LUZP1: variants seen among roughly 807,000 people sequenced by gnomAD.
LUZP1 encodes the protein leucine zipper protein 1.
Under a neutral mutation model 71.3 loss-of-function variants are expected in LUZP1, and 25 were observed. The observed-to-expected ratio is 0.35, with a 90% CI of 0.26 to 0.49. LUZP1 has a LOEUF of 0.49. LUZP1 is among the 20% of genes least tolerant of loss of function. LUZP1 has a pLI of 0.99. For synonymous variants in LUZP1, 481 were observed against 506.4 expected, an observed-to-expected ratio of 0.95 and a Z score of 0.67; for missense variants, 1,142 against 1,300.8, an observed-to-expected ratio of 0.88 and a Z score of 1.88.
chr1:23,145,920 T>C (rs977499019), intron 2 of LUZP1, among the ~76,000 whole-genome samples: 75 of 152,348 alleles, frequency 4.9e-4, no homozygotes, highest in African/African-American at 1.7e-3. Context: ...AATATACTTA[T>C]GTAATGAAAA....
In LUZP1 at chr1:23,093,832, C is replaced by G; in HGVS notation, c.430G>C (p.Glu144Gln). ...GAGATTTTCTTGGTCAGATTTCTCT[C>G]CTCATTCAGGCTCAGACACAGCTGG... The change falls in exon 4 of 5, where the codon GAG becomes CAG. Residue 144 changes from glutamate to glutamine, a missense_variant. Coordinates refer to ENST00000302291, the Ensembl canonical transcript of LUZP1. The surrounding 1 kb of genome is among the most constrained non-coding windows in gnomAD (Gnocchi z 4.2). 6.2e-7 allele frequency: 1 copy of G among 1,614,094 alleles called. No homozygotes were observed. Among genetic ancestry groups the G allele is most frequent in the Non-Finnish European group, 8.5e-7 (1 of 1,180,006 alleles).
chr1:23,132,734 T>C (rs773068484), intron 2 of LUZP1, among the ~76,000 whole-genome samples: 1 of 152,186 alleles, frequency 6.6e-6, no homozygotes, highest in Non-Finnish European at 1.5e-5. Context: ...GCAACTTAAG[T>C]ATAATAAGGC....
intron 2 of LUZP1, among the ~76,000 whole-genome samples, chr1:23,110,187 C>T (rs1008098243): frequency 6.6e-6 from 1 of 152,132 alleles, no homozygotes; most frequent in African/African-American, 2.4e-5. Context: ...CCTCTAGACT[C>T]GGTCCTCAAA....
intron 3 of LUZP1, among the ~76,000 whole-genome samples, chr1:23,103,501 G>A (rs564007164): frequency 1.3e-5 from 2 of 151,960 alleles, no homozygotes; most frequent in African/African-American, 4.8e-5. Flanking sequence ...CAATGCGGAC[G>A]TTATCTAGCA....
At chr1:23,164,720 T>C (rs1644496479) in intron 2 of LUZP1, among the ~76,000 whole-genome samples, 1 of 152,294 alleles carries the variant, frequency 6.6e-6, no homozygotes, top group Middle Eastern at 3.4e-3. Context: ...TGCTACCTAA[T>C]GTATTCTTCC....
At chr1:23,174,399 A>G (rs527707094) in intron 1 of LUZP1, among the ~76,000 whole-genome samples, 1 of 152,164 alleles carries the variant, frequency 6.6e-6, no homozygotes, top group East Asian at 1.9e-4. Flanking sequence ...GGTGGAGGCA[A>G]TTTTCTCTAC....
intron 2 of LUZP1, among the ~76,000 whole-genome samples, chr1:23,144,381 A>G (rs1557678205): frequency 6.6e-6 from 1 of 152,202 alleles, no homozygotes; most frequent in African/African-American, 2.4e-5. Flanking sequence ...AGCCCTAGAA[A>G]TACTTAGATT....
intron 2 of LUZP1, among the ~76,000 whole-genome samples, chr1:23,149,079 T>TAAAAAAA (rs58910170): frequency 1.1e-4 from 4 of 37,408 alleles, no homozygotes; most frequent in African/African-American, 2.4e-4. Context: ...ACACCTTGCC[T>TAAAAAAA]AAAAAAAAAA....
At chr1:23,138,689 GTGTGTGTGTATATATA>G (rs1379481414) in intron 2 of LUZP1, among the ~76,000 whole-genome samples, 2 of 106,388 alleles carry the variant, frequency 1.9e-5, no homozygotes, top group South Asian at 2.9e-4. Context: ...GTGTGTGTGT[GTGTGTGTGTATATATA>G]TATATATATA....
intron 2 of LUZP1, among the ~76,000 whole-genome samples, chr1:23,122,525 G>C (rs1342405301): frequency 6.6e-6 from 1 of 152,206 alleles, no homozygotes; most frequent in African/African-American, 2.4e-5. Flanking sequence ...CCTAGTCACA[G>C]AACTACAGCA....
In LUZP1 at chr1:23,090,034, A is replaced by T. The variant is rs144750307; in HGVS notation, c.3073-981T>A. Among the ~76,000 whole-genome samples the T allele has an allele frequency of 1.3e-3, 196 of 152,354 alleles. 1 individual carries two copies. The highest frequency in any genetic ancestry group is 3.9e-3 in the African/African-American group (164 of 41,578). ...TGGCCTCCCAAAGTGCTGGGATTAC[A>T]GGTGTGAGCCACCACGCCTGGCCAG... On this transcript the variant is annotated intron_variant, in intron 4 of 4. Transcript: ENST00000302291.
chr1:23,171,536 C>T (rs1473972290), intron 1 of LUZP1, among the ~76,000 whole-genome samples: 5 of 152,206 alleles, frequency 3.3e-5, no homozygotes, highest in African/African-American at 1.2e-4. Flanking sequence ...CTGCAATCCT[C>T]TAGGAGAACT....
At chr1:23,173,086 G>T (rs1229515711) in intron 1 of LUZP1, among the ~76,000 whole-genome samples, 1 of 151,260 alleles carries the variant, frequency 6.6e-6, no homozygotes, top group Non-Finnish European at 1.5e-5. Flanking sequence ...CTCCCAAAGT[G>T]CTAGGATTAC....
At chr1:23,103,971 C>T (rs899686143) in intron 3 of LUZP1, among the ~76,000 whole-genome samples, 16 of 146,072 alleles carry the variant, frequency 1.1e-4, no homozygotes, top group African/African-American at 3.8e-4. Context: ...ATGCTGTATT[C>T]GGGGAATTTA....
At chr1:23,120,836 G>A (rs1026043861) in intron 2 of LUZP1, among the ~76,000 whole-genome samples, 5 of 152,052 alleles carry the variant, frequency 3.3e-5, no homozygotes, top group Non-Finnish European at 7.4e-5. Flanking sequence ...ACTAAAGGAG[G>A]GCTTTCATAT....
intron 2 of LUZP1, among the ~76,000 whole-genome samples, chr1:23,162,478 G>A (rs994849309): frequency 3.5e-5 from 5 of 142,310 alleles, no homozygotes; most frequent in Admixed American, 2.9e-4. Flanking sequence ...TCGCTCTGTT[G>A]CCCAGGCTGG....
intron 2 of LUZP1, among the ~76,000 whole-genome samples, chr1:23,110,188 G>A (rs188051378): frequency 5.3e-5 from 8 of 152,024 alleles, no homozygotes; most frequent in South Asian, 2.1e-4. Context: ...CTCTAGACTC[G>A]GTCCTCAAAA....
At chr1:23,130,367 C>T (rs1168417565) in intron 2 of LUZP1, among the ~76,000 whole-genome samples, 1 of 152,010 alleles carries the variant, frequency 6.6e-6, no homozygotes, top group African/African-American at 2.4e-5. Context: ...AAGTAAAACA[C>T]AAAACTCCTT....
chr1:23,134,558 T>C (rs924039906), intron 2 of LUZP1, among the ~76,000 whole-genome samples: 2 of 148,874 alleles, frequency 1.3e-5, no homozygotes, highest in Non-Finnish European at 3.0e-5. Context: ...GCAGGAGGAC[T>C]GCTTGAGCCC....
Sources: gnomAD v4.1 joint callset for allele counts (sites outside exome capture counted in the v4.1 genomes callset) on GRCh38, gnomAD v4.1.1 for gene constraint, Gnocchi (gnomAD v3.1) non-coding constraint, MANE v1.5 for transcripts, NCBI Gene and HGNC (gene_info 2026-07-23, HGNC 2026-07-21) for gene names.